BCAS3: variants seen among roughly 807,000 people sequenced by gnomAD.
BCAS3 encodes BCAS3 microtubule associated cell migration factor.
Under a neutral mutation model 116.1 loss-of-function variants are expected in BCAS3, and 53 were observed. The ratio of observed to expected loss-of-function variants is 0.46; its 90% CI spans 0.37 to 0.57. The LOEUF is 0.57. BCAS3 is among the 20% of genes least tolerant of loss of function. BCAS3 has a pLI of 0.00. For synonymous variants in BCAS3, 391 were observed against 408.2 expected (o/e 0.96, Z 0.51); for missense variants, 917 against 1,165.4 (o/e 0.79, Z 3.10).
intron 22 of BCAS3, among the ~76,000 whole-genome samples, chr17:61,099,896 T>A (rs1429790921): frequency 6.6e-6 from 1 of 152,238 alleles, no homozygotes; most frequent in Non-Finnish European, 1.5e-5. Flanking sequence ...GACCCTAAGT[T>A]CCATTAAGCC....
At chr17:61,182,646 C>T (rs1250820911) in intron 22 of BCAS3, among the ~76,000 whole-genome samples, 3 of 152,214 alleles carry the variant, frequency 2.0e-5, no homozygotes, top group Non-Finnish European at 4.4e-5. Context: ...CCTGTGTTCC[C>T]ATATGCTCCT....
chr17:61,303,493 T>C (rs1022000781), intron 22 of BCAS3, among the ~76,000 whole-genome samples: 4 of 152,188 alleles, frequency 2.6e-5, no homozygotes, highest in African/African-American at 9.7e-5. Flanking sequence ...GCTTCCGGGA[T>C]GGTGATTTGA....
At chr17:60,880,926 C>T (rs934626086) in intron 9 of BCAS3, among the ~76,000 whole-genome samples, 5 of 151,770 alleles carry the variant, frequency 3.3e-5, no homozygotes. Context: ...TTCCCTCATT[C>T]TTTAGATTGT....
In BCAS3 at chr17:61,131,335, G is replaced by A. The variant is rs2076331283; in HGVS notation, c.2425+46771G>A. Among the ~76,000 whole-genome samples the A allele has an allele frequency of 1.3e-5, 2 of 152,166 alleles. No individual in the cohort carries two copies. Among genetic ancestry groups the A allele is most frequent in the Non-Finnish European group, 2.9e-5 (2 of 68,022 alleles). On this transcript the variant is annotated intron_variant, in intron 22 of 23. Coordinates refer to ENST00000407086, the MANE Select transcript of BCAS3 (RefSeq NM_017679.5). The surrounding 1 kb of genome is among the most constrained non-coding windows in gnomAD (Gnocchi z 4.4). ...TCACTGAAACAGCAGGTATGACAGA[G>A]GGTTCCCTGACTTTGATAGTTTTAA...
rs756320993 is a variant in BCAS3, at chr17:60,684,002, G to C, written c.104G>C (p.Ser35Thr). 17 of 1,613,878 alleles carry C rather than the reference G, an allele frequency of 1.1e-5. No individual in the cohort carries two copies. The South Asian group carries it at 1.9e-4, about 18-fold the overall frequency. Residue 35 changes from serine (S) to threonine (T), a missense_variant, in exon 3 of 24, where the codon AGT (serine) becomes ACT (threonine). This residue lies in a region of BCAS3 where 807 missense variants were observed against 1,026.0 expected (regional missense o/e 0.79). Coordinates refer to ENST00000407086, the MANE Select transcript of BCAS3 (RefSeq NM_017679.5). ...TCCAGAGAGCAGTCCTACATGGAAA[G>C]TGTTGTGACTTTTCTGCAGGATGTT... The part of the protein sequence containing the change: ...QAVTEQSYME[S>T]VVTFLQDVVP...
chr17:61,121,091 G>T (rs925888521), intron 22 of BCAS3, among the ~76,000 whole-genome samples: 1 of 151,738 alleles, frequency 6.6e-6, no homozygotes, highest in African/African-American at 2.4e-5. Context: ...AATATTTCAT[G>T]ATTTTTGTAA....
intron 7 of BCAS3, among the ~76,000 whole-genome samples, chr17:60,808,441 A>ATTTT (rs2048487271): frequency 6.6e-6 from 1 of 152,234 alleles, no homozygotes. Context: ...AATGGATATT[A>ATTTT]GGTTGGCTAC....
intron 7 of BCAS3, among the ~76,000 whole-genome samples, chr17:60,852,259 T>C (rs149604240): frequency 0.03 from 4,605 of 152,244 alleles, 177 homozygotes; most frequent in East Asian, 0.091. Context: ...AATTGTTTCC[T>C]AAAGAAAACC....
intron 5 of BCAS3, among the ~76,000 whole-genome samples, chr17:60,742,105 G>A (rs140937347): frequency 2.6e-4 from 40 of 152,226 alleles, no homozygotes; most frequent in African/African-American, 9.1e-4. Context: ...TTTTCTAATA[G>A]ATACAAGCTT....
In BCAS3 at chr17:60,704,674, C is replaced by G. The variant is rs187948296; in HGVS notation, c.215-4545C>G. 3.9e-5 allele frequency among the ~76,000 whole-genome samples: 6 copies of G among 151,982 alleles called. No individual in the cohort carries two copies. The East Asian group carries it at 9.7e-4, about 25-fold the overall frequency. Reference sequence around the variant, plus strand: ...TGGCCAACATGGTGATACCCCATCTCTACTAGTACAAAAATTAGCCGGGCA... The same window carrying G: ...TGGCCAACATGGTGATACCCCATCTGTACTAGTACAAAAATTAGCCGGGCA... On this transcript the variant is annotated intron_variant, in intron 4 of 23. Coordinates refer to ENST00000407086, the MANE Select transcript of BCAS3 (RefSeq NM_017679.5).
intron 1 of BCAS3, among the ~76,000 whole-genome samples, chr17:60,678,737 T>G (rs746042104): frequency 6.6e-6 from 1 of 152,214 alleles, no homozygotes; most frequent in South Asian, 2.1e-4. Context: ...TAGAGTGATA[T>G]CATGTCACTT....
At chr17:60,810,768 A>G (rs2048734080) in intron 7 of BCAS3, 2 of 658,226 alleles carry the variant, frequency 3.0e-6, no homozygotes, top group Admixed American at 3.9e-5. Context: ...AGCTGGAGAC[A>G]GAGATCAAGG....
chr17:61,208,877 G>GAAAA lies in BCAS3; in HGVS notation c.2425+124325_2425+124328dup, dbSNP rs11299754. Among the ~76,000 whole-genome samples the GAAAA allele has an allele frequency of 1.4e-5, 2 of 143,778 alleles. No homozygotes were observed. The highest frequency in any genetic ancestry group is 1.5e-5 in the Non-Finnish European group (1 of 65,812). The allele number at this position is 143,778 out of a possible 152,430, so 94.3% of individuals were successfully genotyped here. ...TTGCTAAGAGAAAAGTGCTAAAAAG[G>GAAAA]AAAAAAAAAAAAAAAGGAGGGCCTG... On this transcript the variant is annotated intron_variant, in intron 22 of 23. Coordinates refer to ENST00000407086, the MANE Select transcript of BCAS3 (RefSeq NM_017679.5). The surrounding 1 kb of genome is among the most constrained non-coding windows in gnomAD (Gnocchi z 4.5).
chr17:60,724,235 C>T (rs528467157), intron 5 of BCAS3, among the ~76,000 whole-genome samples: 1 of 150,958 alleles, frequency 6.6e-6, no homozygotes. Flanking sequence ...ACTAGCCTGG[C>T]CAACATGGTG....
chr17:60,763,243 G>A (rs1487285037), intron 6 of BCAS3, among the ~76,000 whole-genome samples: 4 of 152,158 alleles, frequency 2.6e-5, no homozygotes, highest in Non-Finnish European at 4.4e-5. Context: ...TTGAATAGGA[G>A]TGGTGAGAGA....
intron 22 of BCAS3, among the ~76,000 whole-genome samples, chr17:61,193,205 T>C (rs1351093015): frequency 4.6e-5 from 7 of 152,052 alleles, no homozygotes; most frequent in Admixed American, 3.9e-4. Context: ...GAGGTTGCAG[T>C]GAGCCGAGAT....
At chr17:60,972,338 C>T (rs1022363069) in intron 14 of BCAS3, among the ~76,000 whole-genome samples, 1 of 151,988 alleles carries the variant, frequency 6.6e-6, no homozygotes, top group Non-Finnish European at 1.5e-5. Flanking sequence ...CCAGTTGCTC[C>T]AGTGACAATT....
Position 61,030,875 on chromosome 17 carries a change from C to G in BCAS3, c.1638-3791C>G, listed in dbSNP as rs200862233. Reference sequence around the variant, plus strand: ...TGAACATGGGGTTATGTGTGAAAAACTAAGGGTAGTAAAGGAACAGGAATT... The same window carrying G: ...TGAACATGGGGTTATGTGTGAAAAAGTAAGGGTAGTAAAGGAACAGGAATT... On this transcript the variant is annotated intron_variant, in intron 16 of 23. Transcript: ENST00000407086. 1.7e-4 allele frequency among the ~76,000 whole-genome samples: 25 copies of G among 151,068 alleles called. No homozygotes were observed. The East Asian group carries it at 4.5e-3, about 27-fold the overall frequency.
At position 61,244,192 on chromosome 17, in the gene BCAS3, AAG is replaced by A. The variant is rs1347013596; in HGVS notation, c.2426-124133_2426-124132del. Reference sequence around the variant, plus strand: ...AAGCTTAAGAAAAAACAGAAGAAAAAAGAAAACTAAAATCACTTGTAATTTCC... The same window carrying A: ...AAGCTTAAGAAAAAACAGAAGAAAAAAAAACTAAAATCACTTGTAATTTCC... On this transcript the variant is annotated intron_variant, in intron 22 of 23. Transcript: ENST00000407086. This position sits in a 1 kb window ranked among gnomAD's most constrained non-coding sequence, Gnocchi z 4.9. Among the ~76,000 whole-genome samples, 1 of 152,232 alleles carries A rather than the reference AAG, an allele frequency of 6.6e-6. No individual in the cohort carries two copies. The highest frequency in any genetic ancestry group is 6.5e-5 in the Admixed American group (1 of 15,286).
Sources: allele counts gnomAD v4.1 joint callset (sites outside exome capture counted in the v4.1 genomes callset), GRCh38; gene constraint gnomAD v4.1.1; regional missense constraint gnomAD v4.1.1; non-coding constraint Gnocchi (gnomAD v3.1); transcripts MANE v1.5; gene names NCBI Gene and HGNC (gene_info 2026-07-23, HGNC 2026-07-21).